The following PIK3C2G variants were observed in gnomAD, a reference collection of about 807,000 sequenced individuals.
PIK3C2G encodes phosphatidylinositol 3-kinase C2 domain-containing subunit gamma.
A neutral mutation model predicts 181.1 loss-of-function variants in PIK3C2G; 168 were observed. The observed-to-expected ratio is 0.93, with a 90% CI of 0.82 to 1.05. The LOEUF is 1.05. Ranked by LOEUF, PIK3C2G falls within the 50% of genes least tolerant of loss-of-function variation. The probability of loss-of-function intolerance (pLI) is 0.00; values close to 1 mark genes in which losing one functional copy is unlikely to be tolerated. For synonymous variants in PIK3C2G, 573 were observed against 592.2 expected (o/e 0.97, Z 0.47); for missense variants, 1,869 against 1,732.8 (o/e 1.08, Z -1.40).
intron 13 of PIK3C2G, 22 bp downstream of exon 13, chr12:18,371,333 A>G: frequency 6.3e-7 from 1 of 1,576,020 alleles, no homozygotes; most frequent in Non-Finnish European, 8.6e-7. Flanking sequence ...AATTGTGAGT[A>G]ATAAGCCTAT....
chr12:18,459,713 C>A (rs1047053064), intron 18 of PIK3C2G, among the ~76,000 whole-genome samples: 11 of 152,216 alleles, frequency 7.2e-5, no homozygotes, highest in African/African-American at 2.7e-4. Context: ...TTAACCAAGT[C>A]TGTGATGTAC....
intron 16 of PIK3C2G, among the ~76,000 whole-genome samples, chr12:18,406,464 A>G (rs1466929087): frequency 1.3e-5 from 2 of 152,174 alleles, no homozygotes; most frequent in African/African-American, 4.8e-5. Context: ...CCTAAAAAGG[A>G]ATAGGGAGAT....
At chr12:18,658,785 TA>T in the PIK3C2G span, among the ~76,000 whole-genome samples, 2 of 152,194 alleles carry the variant, frequency 1.3e-5, no homozygotes, top group Non-Finnish European at 2.9e-5. Flanking sequence ...GAGAGAATGC[TA>T]TACTTTAGCT....
chr12:18,491,158 T>A (rs1940534849), intron 19 of PIK3C2G, among the ~76,000 whole-genome samples: 1 of 152,214 alleles, frequency 6.6e-6, no homozygotes, highest in South Asian at 2.1e-4. Flanking sequence ...TCCAACCCTT[T>A]TATGTTTTGT....
chr12:18,453,346 G>A (rs1195018485), intron 18 of PIK3C2G, among the ~76,000 whole-genome samples: 1 of 152,068 alleles, frequency 6.6e-6, no homozygotes, highest in African/African-American at 2.4e-5. Flanking sequence ...TTGGTTTAAA[G>A]TCTGTTTATC....
chr12:18,252,044 A>C (rs1056213430), intron 1 of PIK3C2G, among the ~76,000 whole-genome samples: 1 of 152,188 alleles, frequency 6.6e-6, no homozygotes, highest in Non-Finnish European at 1.5e-5. Context: ...CAGTTAAAAA[A>C]CTACAGGACA....
At chr12:18,660,450 C>A in the PIK3C2G span, among the ~76,000 whole-genome samples, 1 of 152,206 alleles carries the variant, frequency 6.6e-6, no homozygotes, top group African/African-American at 2.4e-5. Context: ...AAAGGGCCAG[C>A]GCCTCGGCAC....
At chr12:18,367,440 T>G (rs1383354262) in intron 12 of PIK3C2G, among the ~76,000 whole-genome samples, 1 of 152,338 alleles carries the variant, frequency 6.6e-6, no homozygotes, top group Non-Finnish European at 1.5e-5. Flanking sequence ...TTCTTCTCAC[T>G]CTAGTATTTT....
In PIK3C2G at chr12:18,399,659, A is replaced by G. The variant is rs771410533; in HGVS notation, c.2127A>G (p.Leu709=). 1 of 1,535,160 alleles carries G rather than the reference A, an allele frequency of 6.5e-7. No individual in the cohort carries two copies. The part of the protein sequence containing the change: ...ARLSQKQTPL[L]LSEEKKRYLW... ...TACAGTTTCCAATCTGGTTTTTCAG[A>G]CTCTCTGAAGAAAAGAAAAGATATT... The change falls in exon 16 of 33, where the codon CTA becomes CTG. Residue 709 remains leucine (L), a splice_region_variant and synonymous_variant. Coordinates refer to ENST00000538779, the MANE Select transcript of PIK3C2G (RefSeq NM_001288772.2).
the PIK3C2G span, among the ~76,000 whole-genome samples, chr12:18,686,943 G>T: frequency 6.6e-6 from 1 of 151,960 alleles, no homozygotes; most frequent in Non-Finnish European, 1.5e-5. Context: ...AGTATTATAA[G>T]GGGTGCATTG....
At chr12:18,601,024 A>G (rs1442194731) in intron 30 of PIK3C2G, among the ~76,000 whole-genome samples, 1 of 152,050 alleles carries the variant, frequency 6.6e-6, no homozygotes, top group Admixed American at 6.6e-5. Flanking sequence ...GAAATCACAG[A>G]CCAATCTCAC....
chr12:18,298,880 T>G lies in PIK3C2G; in HGVS notation c.1034+4865T>G, dbSNP rs150186877. On this transcript the variant is annotated intron_variant, in intron 5 of 32. Coordinates refer to ENST00000538779, the MANE Select transcript of PIK3C2G (RefSeq NM_001288772.2). ...ATAAATAAATGAATTTATTTTAGGG[T>G]TTTTTTTATTCTGTTCCATTAGCCT... 7.9e-3 allele frequency among the ~76,000 whole-genome samples: 1,199 copies of G among 151,652 alleles called. 16 individuals carry two copies. Among genetic ancestry groups the G allele is most frequent in the South Asian group, 0.075 (362 of 4,806 alleles).
the PIK3C2G span, among the ~76,000 whole-genome samples, chr12:18,712,665 C>A: frequency 6.6e-6 from 1 of 152,122 alleles, no homozygotes; most frequent in African/African-American, 2.4e-5. Flanking sequence ...CTGAAACTAA[C>A]TTTGATAAAT....
At chr12:18,699,867 T>C in the PIK3C2G span, 2 of 1,613,198 alleles carry the variant, frequency 1.2e-6, no homozygotes, top group African/African-American at 2.7e-5. Context: ...GATATAATCT[T>C]GAATGTTGAA....
chr12:18,604,229 G>A (rs377616163), intron 30 of PIK3C2G, among the ~76,000 whole-genome samples: 18 of 152,138 alleles, frequency 1.2e-4, no homozygotes, highest in African/African-American at 3.4e-4. Context: ...CACCAAAAGC[G>A]AGCAGGGTTA....
At chr12:18,512,536 A>C (rs1245455548) in intron 24 of PIK3C2G, among the ~76,000 whole-genome samples, 1 of 151,726 alleles carries the variant, frequency 6.6e-6, no homozygotes, top group Non-Finnish European at 1.5e-5. Context: ...TTAAATTTGC[A>C]CCTAAGTATT....
the PIK3C2G span, among the ~76,000 whole-genome samples, chr12:18,671,922 A>C: frequency 2.6e-5 from 4 of 152,104 alleles, no homozygotes. Context: ...TTTTCATGAC[A>C]TCTTGACTTG....
At chr12:18,380,866 G>A (rs527930824) in intron 13 of PIK3C2G, among the ~76,000 whole-genome samples, 24 of 152,288 alleles carry the variant, frequency 1.6e-4, no homozygotes, top group South Asian at 1.0e-3. Flanking sequence ...TCTGTTAAAT[G>A]GCAAGATGGA....
At chr12:18,371,432 G>A in intron 13 of PIK3C2G, 121 bp downstream of exon 13, 1 of 807,708 alleles carries the variant, frequency 1.2e-6, no homozygotes, top group Non-Finnish European at 1.8e-6. Flanking sequence ...AATTGACATA[G>A]TTCAATATAA....
Sources: allele counts gnomAD v4.1 joint callset (sites outside exome capture counted in the v4.1 genomes callset), GRCh38; gene constraint gnomAD v4.1.1; transcripts MANE v1.5; gene names NCBI Gene and HGNC (gene_info 2026-07-23, HGNC 2026-07-21).